Variants in NCAM1 observed in about 807,000 individuals in gnomAD.
NCAM1 encodes neural cell adhesion molecule 1, also known as antigen recognized by monoclonal antibody 5.1H11.
In NCAM1, 14 loss-of-function variants were observed where a neutral mutation model predicts 109.8. The ratio of observed to expected loss-of-function variants is 0.13; its 90% CI spans 0.08 to 0.20. The LOEUF (loss-of-function observed/expected upper bound fraction) is 0.20, where lower values mean the gene tolerates loss of function less well. Among genes scored for constraint, NCAM1 ranks in the 10% least tolerant of loss-of-function variants. The pLI, the probability that NCAM1 is intolerant of heterozygous loss-of-function variation, is 1.00. For missense variants in NCAM1, 774 were observed against 1,109.9 expected, an observed-to-expected ratio of 0.70 and a Z score of 4.30; for synonymous variants, 418 against 442.9, an observed-to-expected ratio of 0.94 and a Z score of 0.70.
intron 1 of NCAM1, among the ~76,000 whole-genome samples, chr11:112,995,929 G>C (rs565076122): frequency 6.6e-6 from 1 of 152,138 alleles, no homozygotes; most frequent in Non-Finnish European, 1.5e-5. Flanking sequence ...CCTGACCACC[G>C]GCAGGGCTGA....
At chr11:113,155,368 G>A (rs1244736245) in intron 1 of NCAM1, among the ~76,000 whole-genome samples, 1 of 152,152 alleles carries the variant, frequency 6.6e-6, no homozygotes, top group Middle Eastern at 3.4e-3. Flanking sequence ...AGTTAGCTGG[G>A]TGTGGTGGTG....
chr11:113,237,994 A>G (rs1329016362), intron 14 of NCAM1, among the ~76,000 whole-genome samples: 4 of 150,100 alleles, frequency 2.7e-5, no homozygotes, highest in Admixed American at 6.6e-5. Context: ...CTCAGAAGCT[A>G]TATTTTTAAA....
intron 1 of NCAM1, among the ~76,000 whole-genome samples, chr11:113,154,552 TTTAAAA>T (rs1294296579): frequency 6.6e-6 from 1 of 152,224 alleles, no homozygotes; most frequent in East Asian, 1.9e-4. Context: ...TTTGAGGTAC[TTTAAAA>T]TTGTGTTGAT....
chr11:113,249,083 C>T (rs573953506), intron 15 of NCAM1, among the ~76,000 whole-genome samples: 2 of 152,316 alleles, frequency 1.3e-5, no homozygotes, highest in South Asian at 2.1e-4. Flanking sequence ...CTGAGCATGG[C>T]GCCCTCCCCA....
At chr11:112,975,709 T>G (rs1171725501) in intron 1 of NCAM1, among the ~76,000 whole-genome samples, 2 of 152,008 alleles carry the variant, frequency 1.3e-5, no homozygotes, top group African/African-American at 4.8e-5. Context: ...CTGCCCTAGG[T>G]TACCATTTGA....
chr11:113,009,312 G>GTTTTTT (rs781818836), intron 1 of NCAM1, among the ~76,000 whole-genome samples: 36 of 79,680 alleles, frequency 4.5e-4, no homozygotes, highest in South Asian at 5.8e-4. Context: ...GTTTTTTCGG[G>GTTTTTT]TTTTTTTTTT....
At chr11:113,032,182 C>A (rs934516706) in intron 1 of NCAM1, among the ~76,000 whole-genome samples, 12 of 152,110 alleles carry the variant, frequency 7.9e-5, no homozygotes, top group African/African-American at 2.9e-4. Context: ...CTGAAGTGAT[C>A]CTGCCAGAAT....
chr11:113,005,966 A>G (rs1000192230), intron 1 of NCAM1, among the ~76,000 whole-genome samples: 1 of 152,138 alleles, frequency 6.6e-6, no homozygotes, highest in Non-Finnish European at 1.5e-5. Flanking sequence ...CTCTAAACAT[A>G]TGAACTTTTC....
chr11:113,098,306 A>G, intron 1 of NCAM1, among the ~76,000 whole-genome samples: 1 of 152,188 alleles, frequency 6.6e-6, no homozygotes, highest in Admixed American at 6.5e-5. Flanking sequence ...TGGATGCTCA[A>G]GTCCCTGATG....
chr11:113,222,416 A>G (rs1019068910), intron 9 of NCAM1, among the ~76,000 whole-genome samples: 10 of 152,248 alleles, frequency 6.6e-5, no homozygotes, highest in Non-Finnish European at 1.0e-4. Context: ...TAGTTTCTGC[A>G]CATGAACAGG....
intron 18 of NCAM1, among the ~76,000 whole-genome samples, chr11:113,271,489 A>G (rs1344156397): frequency 6.6e-6 from 1 of 151,910 alleles, no homozygotes; most frequent in Non-Finnish European, 1.5e-5. Context: ...TGTGTTTAGC[A>G]CTTCCCATGC....
At chr11:113,025,778 C>CGAGAGAGAGAGAGAGAGAGA (rs199893109) in intron 1 of NCAM1, among the ~76,000 whole-genome samples, 2 of 118,812 alleles carry the variant, frequency 1.7e-5, no homozygotes, top group African/African-American at 3.4e-5. Flanking sequence ...CACAGGGAGC[C>CGAGAGAGAGAGAGAGAGAGA]GAGAGAGAGA....
chr11:113,131,181 C>T, intron 1 of NCAM1, among the ~76,000 whole-genome samples: 1 of 152,226 alleles, frequency 6.6e-6, no homozygotes, highest in African/African-American at 2.4e-5. Context: ...TTTTTATGTT[C>T]TTTCTAAATT....
chr11:113,154,451 T>C (rs1197251540), intron 1 of NCAM1, among the ~76,000 whole-genome samples: 1 of 151,998 alleles, frequency 6.6e-6, no homozygotes, highest in Non-Finnish European at 1.5e-5. Context: ...AATAAGCAGA[T>C]GCAAAGAAAA....
chr11:113,058,736 G>C (rs544200135), intron 1 of NCAM1, among the ~76,000 whole-genome samples: 102 of 152,200 alleles, frequency 6.7e-4, no homozygotes, highest in Non-Finnish European at 1.2e-3. Context: ...GCTTCTTCAT[G>C]CCTCTCATAA....
chr11:113,160,757 C>T (rs1047625659), intron 1 of NCAM1, among the ~76,000 whole-genome samples: 8 of 152,112 alleles, frequency 5.3e-5, no homozygotes, highest in African/African-American at 1.7e-4. Flanking sequence ...CAAAGAGGGT[C>T]ACTGAGGGCT....
chr11:112,969,968 T>G (rs1950832416), intron 1 of NCAM1, among the ~76,000 whole-genome samples: 1 of 152,064 alleles, frequency 6.6e-6, no homozygotes, highest in Non-Finnish European at 1.5e-5. Context: ...TTAGTTTTAA[T>G]GTCTGGGGGA....
chr11:113,191,371 A>T (rs1943668807), intron 1 of NCAM1, among the ~76,000 whole-genome samples: 1 of 152,238 alleles, frequency 6.6e-6, no homozygotes, highest in Non-Finnish European at 1.5e-5. Context: ...GGCCTGAATC[A>T]TATAGCTCCT....
At chr11:113,077,853 A>G (rs141881809) in intron 1 of NCAM1, among the ~76,000 whole-genome samples, 2,248 of 151,910 alleles carry the variant, frequency 0.015, 20 homozygotes, top group Middle Eastern at 0.041. Flanking sequence ...TGCATGACTA[A>G]TTTTTGTATT....
Sources: gnomAD v4.1 joint callset for allele counts (sites outside exome capture counted in the v4.1 genomes callset) on GRCh38, gnomAD v4.1.1 for gene constraint, MANE v1.5 for transcripts, NCBI Gene and HGNC (gene_info 2026-07-23, HGNC 2026-07-21) for gene names.